The following GABRB2 variants were observed in gnomAD, a reference collection of about 807,000 sequenced individuals.
GABRB2 encodes gamma-aminobutyric acid receptor subunit beta-2.
Under a neutral mutation model 54.7 loss-of-function variants are expected in GABRB2, and 16 were observed. That is an observed-to-expected ratio of 0.29 (90% CI 0.20 to 0.44). GABRB2 has a LOEUF of 0.44. Ranked by LOEUF, GABRB2 falls within the 20% of genes least tolerant of loss-of-function variation. GABRB2 has a pLI of 1.00. For synonymous variants in GABRB2, 244 were observed against 233.8 expected (o/e 1.04, Z -0.40); for missense variants, 355 against 644.0 (o/e 0.55, Z 4.86).
chr5:161,408,382 T>A (rs1023595925), intron 5 of GABRB2, among the ~76,000 whole-genome samples: 1 of 152,044 alleles, frequency 6.6e-6, no homozygotes, highest in African/African-American at 2.4e-5. Flanking sequence ...CTCTCTCACC[T>A]CAATAAAGGA....
chr5:161,306,262 C>G (rs1757687792), intron 9 of GABRB2, among the ~76,000 whole-genome samples: 1 of 152,232 alleles, frequency 6.6e-6, no homozygotes, highest in South Asian at 2.1e-4. Context: ...GGTTTGGTTT[C>G]TGTCGCCCTG....
At chr5:161,478,933 A>C (rs1242673082) in intron 3 of GABRB2, among the ~76,000 whole-genome samples, 1 of 152,090 alleles carries the variant, frequency 6.6e-6, no homozygotes, top group Non-Finnish European at 1.5e-5. Flanking sequence ...TCTCTGAAGC[A>C]GCAAGCTCTG....
chr5:161,502,570 G>T (rs752173427), intron 3 of GABRB2, among the ~76,000 whole-genome samples: 6 of 152,124 alleles, frequency 3.9e-5, no homozygotes, highest in Non-Finnish European at 8.8e-5. Flanking sequence ...TGAAATATAT[G>T]AATCAATTGT....
intron 4 of GABRB2, among the ~76,000 whole-genome samples, chr5:161,434,253 T>A (rs546076259): frequency 9.1e-4 from 138 of 152,226 alleles, no homozygotes; most frequent in Middle Eastern, 6.8e-3. Flanking sequence ...GTTCAGAAAA[T>A]TTTCATTGCA....
intron 3 of GABRB2, among the ~76,000 whole-genome samples, chr5:161,512,302 C>T (rs773365855): frequency 4.0e-5 from 6 of 151,872 alleles, no homozygotes; most frequent in Non-Finnish European, 8.8e-5. Flanking sequence ...GCAAAAAGAA[C>T]AAAGCTGGAG....
At chr5:161,400,748 AG>A (rs1756160106) in intron 5 of GABRB2, among the ~76,000 whole-genome samples, 1 of 152,140 alleles carries the variant, frequency 6.6e-6, no homozygotes, top group Non-Finnish European at 1.5e-5. Flanking sequence ...TTGAGTTGAA[AG>A]CTGAGCCTTG....
chr5:161,487,353 A>G (rs182212565), intron 3 of GABRB2, among the ~76,000 whole-genome samples: 1 of 151,910 alleles, frequency 6.6e-6, no homozygotes, highest in African/African-American at 2.4e-5. Flanking sequence ...AGCAGGTAAT[A>G]AGAGAGATTT....
At chr5:161,301,273 A>G (rs1387714233) in intron 9 of GABRB2, among the ~76,000 whole-genome samples, 2 of 152,208 alleles carry the variant, frequency 1.3e-5, no homozygotes, top group African/African-American at 4.8e-5. Context: ...CAAATGGAAG[A>G]CATAATAATG....
At chr5:161,483,183 G>A (rs1758816973) in intron 3 of GABRB2, among the ~76,000 whole-genome samples, 1 of 151,970 alleles carries the variant, frequency 6.6e-6, no homozygotes, top group African/African-American at 2.4e-5. Flanking sequence ...AACACACCTT[G>A]AGACGTGATA....
intron 5 of GABRB2, among the ~76,000 whole-genome samples, chr5:161,385,001 T>A (rs1198616689): frequency 2.0e-5 from 3 of 152,124 alleles, no homozygotes; most frequent in Non-Finnish European, 4.4e-5. Context: ...TATTCCCCTT[T>A]AAATATGCTT....
At chr5:161,348,148 T>C (rs760233855) in intron 5 of GABRB2, among the ~76,000 whole-genome samples, 23 of 152,100 alleles carry the variant, frequency 1.5e-4, no homozygotes, top group Non-Finnish European at 3.2e-4. Context: ...TAGAATCCCT[T>C]TATACTGCAA....
At position 161,293,290 on chromosome 5, in the gene GABRB2, T is replaced by C. The variant is rs1757284784; in HGVS notation, c.*791A>G. The C allele has an allele frequency of 6.6e-6, 1 of 152,332 alleles. No individual in the cohort carries two copies. Among genetic ancestry groups the C allele is most frequent in the Non-Finnish European group, 1.5e-5 (1 of 68,124 alleles). 9.4% of individuals were successfully genotyped at this position (152,332 alleles called of 1,614,324 possible). On this transcript the variant is annotated 3_prime_UTR_variant, in exon 10 of 10. Coordinates refer to ENST00000393959, the MANE Select transcript of GABRB2 (RefSeq NM_001371727.1). ...TGGAGCTGATAAGGGTCATGCTTTCTTGCTTGCTTGCTTTTTGTTACAACC... is the reference window on the plus strand; with the variant it reads ...TGGAGCTGATAAGGGTCATGCTTTCCTGCTTGCTTGCTTTTTGTTACAACC...
chr5:161,393,776 A>G (rs540338326), intron 5 of GABRB2, among the ~76,000 whole-genome samples: 23 of 152,214 alleles, frequency 1.5e-4, no homozygotes, highest in African/African-American at 5.1e-4. Flanking sequence ...TTGCAGAATC[A>G]AAGGAAATAT....
At chr5:161,543,880 G>A (rs1379667461) in intron 3 of GABRB2, among the ~76,000 whole-genome samples, 3 of 152,118 alleles carry the variant, frequency 2.0e-5, no homozygotes, top group Non-Finnish European at 2.9e-5. Context: ...TTTAGTCTGC[G>A]TTTATATTGC....
chr5:161,525,503 T>C (rs1202272605), intron 3 of GABRB2, among the ~76,000 whole-genome samples: 1 of 151,252 alleles, frequency 6.6e-6, no homozygotes, highest in Non-Finnish European at 1.5e-5. Flanking sequence ...TACACAATTG[T>C]CAAAAGACCA....
intron 3 of GABRB2, among the ~76,000 whole-genome samples, chr5:161,544,717 A>G (rs1330095387): frequency 6.6e-6 from 1 of 152,148 alleles, no homozygotes; most frequent in Non-Finnish European, 1.5e-5. Context: ...CAAGCAGCAA[A>G]CAATGGAGTT....
At position 161,512,031 on chromosome 5, in the gene GABRB2, A is replaced by G. The variant is rs189639778; in HGVS notation, c.237+33196T>C. ...CATTTTCAAACAGCATATTATAACA[A>G]CATACTTGGGTTTTGGTAAAGCTCT... On this transcript the variant is annotated intron_variant, in intron 3 of 9. Coordinates refer to ENST00000393959, the MANE Select transcript of GABRB2 (RefSeq NM_001371727.1). Among the ~76,000 whole-genome samples, 134 of 152,006 alleles carry G rather than the reference A, an allele frequency of 8.8e-4. 2 individuals carry two copies. The East Asian group carries it at 0.023, about 26-fold the overall frequency.
chr5:161,428,288 CGTGTGTGTGTGT>C (rs71302909), intron 4 of GABRB2, among the ~76,000 whole-genome samples: 7 of 145,206 alleles, frequency 4.8e-5, no homozygotes, highest in African/African-American at 1.0e-4. Context: ...CAGAGAGTTA[CGTGTGTGTGTGT>C]GTGTGTGTGT....
At chr5:161,493,709 T>C (rs1228415318) in intron 3 of GABRB2, among the ~76,000 whole-genome samples, 3 of 151,816 alleles carry the variant, frequency 2.0e-5, no homozygotes, top group Non-Finnish European at 3.0e-5. Context: ...CAAATAACTA[T>C]GCATATTTCA....
Sources: gnomAD v4.1 joint callset for allele counts (sites outside exome capture counted in the v4.1 genomes callset) on GRCh38, gnomAD v4.1.1 for gene constraint, MANE v1.5 for transcripts, NCBI Gene and HGNC (gene_info 2026-07-23, HGNC 2026-07-21) for gene names.